The following POLG2 variants were observed in gnomAD, a reference collection of about 807,000 sequenced individuals.
The protein encoded by POLG2 is DNA polymerase subunit gamma-2.
Under a neutral mutation model 56.5 loss-of-function variants are expected in POLG2, and 50 were observed. The observed-to-expected ratio is 0.88, with a 90% CI of 0.71 to 1.12. The LOEUF (loss-of-function observed/expected upper bound fraction) is 1.12. Ranked by LOEUF, POLG2 falls within the 50% of genes most tolerant of loss-of-function variation. The probability of loss-of-function intolerance (pLI) is 0.00; values close to 1 mark genes in which losing one functional copy is unlikely to be tolerated. For missense variants in POLG2, 584 were observed against 583.3 expected, an observed-to-expected ratio of 1.00 and a Z score of -0.01; for synonymous variants, 226 against 222.6, an observed-to-expected ratio of 1.02 and a Z score of -0.14.
intron 7 of POLG2, among the ~76,000 whole-genome samples, chr17:64,479,216 C>A (rs1170388585): frequency 6.8e-6 from 1 of 147,482 alleles, no homozygotes; most frequent in Non-Finnish European, 1.5e-5. Context: ...AGGAGTCTCG[C>A]TCTGTCACCC....
At chr17:64,487,090 AAAAG>A (rs1217543657) in intron 4 of POLG2, 2 of 152,354 alleles carry the variant, frequency 1.3e-5, no homozygotes, top group African/African-American at 2.4e-5. Context: ...GAACAAAAAA[AAAAG>A]AGAGAAAACC....
At chr17:64,494,648 A>T (rs1227365201) in intron 1 of POLG2, among the ~76,000 whole-genome samples, 1 of 152,098 alleles carries the variant, frequency 6.6e-6, no homozygotes, top group Non-Finnish European at 1.5e-5. Context: ...GATTTTAGTC[A>T]ATGTGTTATG....
intron 4 of POLG2, 149 bp downstream of exon 4, chr17:64,490,647 A>G: frequency 1.5e-6 from 1 of 675,108 alleles, no homozygotes; most frequent in Non-Finnish European, 2.7e-6. Context: ...TGATGACTGG[A>G]TTGTAGTTAT....
intron 4 of POLG2, chr17:64,487,521 T>C (rs2037978132): frequency 6.7e-6 from 1 of 148,240 alleles, no homozygotes; most frequent in Admixed American, 6.9e-5. Flanking sequence ...GGCTGAGGCA[T>C]GAGAATCACT....
chr17:64,482,508 T>C (rs1401724558), intron 6 of POLG2, among the ~76,000 whole-genome samples: 1 of 152,046 alleles, frequency 6.6e-6, no homozygotes, highest in East Asian at 1.9e-4. Context: ...TTTTAGTAGA[T>C]GGGGTTTCAC....
At chr17:64,494,916 G>A (rs564987383) in intron 1 of POLG2, among the ~76,000 whole-genome samples, 1 of 152,324 alleles carries the variant, frequency 6.6e-6, no homozygotes, top group Non-Finnish European at 1.5e-5. Flanking sequence ...GCTCACGCCT[G>A]TAATCCCAGC....
rs190851647 is a variant in POLG2, at chr17:64,494,285, T to C, written c.563-1264A>G. ...TAATCATTTTTAGCAAAATACTACATAGTAGATGTGTGTATCTTATTGCAT... is the reference window on the plus strand; with the variant it reads ...TAATCATTTTTAGCAAAATACTACACAGTAGATGTGTGTATCTTATTGCAT... On this transcript the variant is annotated intron_variant, in intron 1 of 7. Coordinates refer to ENST00000539111, the MANE Select transcript of POLG2 (RefSeq NM_007215.4). Among the ~76,000 whole-genome samples the C allele has an allele frequency of 2.8e-4, 43 of 152,332 alleles. 1 individual carries two copies. Among genetic ancestry groups the C allele is most frequent in the Non-Finnish European group, 4.7e-4 (32 of 68,022 alleles).
At position 64,491,379 on chromosome 17, in the gene POLG2, G is replaced by C. The variant is rs2038055297; in HGVS notation, c.796-410C>G. 5 of 569,578 alleles carry C rather than the reference G, an allele frequency of 8.8e-6. No individual in the cohort carries two copies. The East Asian group carries it at 1.3e-4, about 15-fold the overall frequency. The allele number at this position is 569,578 out of a possible 1,614,324, so 35.3% of individuals were successfully genotyped here. ...GGAGGCTGAGGCAGGGGGATCACTT[G>C]AGCTTAGGACTTCGAGACCAGCCTG... On this transcript the variant is annotated intron_variant, in intron 3 of 7. Transcript: ENST00000539111.
In POLG2 at chr17:64,496,662, C is replaced by T. The variant is rs200118378; in HGVS notation, c.307G>A (p.Gly103Ser). The change falls in exon 1 of 8, where the codon GGC (glycine) becomes AGC (serine). Residue 103 changes from glycine (G) to serine (S), a missense_variant. Transcript: ENST00000539111. ...SGCHPGFGPL[G>S]VELRKNLAAE... ...GCCAGGTTCTTCCGCAACTCTACGC[C>T]CAAGGGTCCGAAGCCGGGGTGGCAC... is the stretch of plus-strand genomic sequence containing the variant. 71 of 1,613,936 alleles carry T rather than the reference C, an allele frequency of 4.4e-5. No homozygotes were observed. The highest frequency in any genetic ancestry group is 3.3e-4 in the Middle Eastern group (2 of 6,062).
chr17:64,493,086 A>G, intron 1 of POLG2, 65 bp from the exon 2 acceptor site: 2 of 1,517,228 alleles, frequency 1.3e-6, no homozygotes, highest in South Asian at 2.3e-5. Context: ...TTTTGTCAAT[A>G]GACACATTAA....
rs782602937 is a variant in POLG2, at chr17:64,490,018, G to A, written c.969+778C>T. Among the ~76,000 whole-genome samples the A allele has an allele frequency of 8.6e-5, 13 of 151,482 alleles. 1 individual carries two copies. Among genetic ancestry groups the A allele is most frequent in the Admixed American group, 3.3e-4 (5 of 15,202 alleles). On this transcript the variant is annotated intron_variant, in intron 4 of 7. Coordinates refer to ENST00000539111, the MANE Select transcript of POLG2 (RefSeq NM_007215.4). The stretch of plus-strand genomic sequence containing the variant: ...TGGCTCATCGCAACCTCCACCTCCC[G>A]GGTTCAAGCGATTCTCCTGCCTCAG...
At chr17:64,494,658 G>A (rs1000039971) in intron 1 of POLG2, among the ~76,000 whole-genome samples, 1 of 151,822 alleles carries the variant, frequency 6.6e-6, no homozygotes, top group Non-Finnish European at 1.5e-5. Context: ...AATGTGTTAT[G>A]ATCCATTACC....
intron 1 of POLG2, among the ~76,000 whole-genome samples, chr17:64,494,827 TA>T (rs1181244716): frequency 1.3e-5 from 2 of 152,182 alleles, no homozygotes; most frequent in Non-Finnish European, 2.9e-5. Context: ...GTACTTTCCC[TA>T]ACCCCAGACC....
chr17:64,485,684 A>T (rs7223078), intron 5 of POLG2, 44 bp downstream of exon 5: 1 of 1,506,566 alleles, frequency 6.6e-7, no homozygotes, highest in Non-Finnish European at 9.2e-7. Flanking sequence ...AAACAAACCC[A>T]TATTTTTAGT....
At chr17:64,488,547 GA>G (rs1349127155) in intron 4 of POLG2, among the ~76,000 whole-genome samples, 1 of 151,188 alleles carries the variant, frequency 6.6e-6, no homozygotes, top group Admixed American at 6.6e-5. Flanking sequence ...TCATACAAAA[GA>G]AAAAAAAGAA....
In POLG2 at chr17:64,496,548, CG is replaced by C. The variant is rs1555669548; in HGVS notation, c.420del (p.Asp142ThrfsTer6). On this transcript the variant is annotated frameshift_variant, in exon 1 of 8. Coordinates refer to ENST00000539111, the MANE Select transcript of POLG2 (RefSeq NM_007215.4). LOFTEE classifies it high-confidence loss of function. ...GAAACTAACCTGAAGGCACTGTCCCCGGGTAGCAAAGGGCCTGGTTTGTGGT... is the reference window on the plus strand; with the variant it reads ...GAAACTAACCTGAAGGCACTGTCCCCGGTAGCAAAGGGCCTGGTTTGTGGT... ...ALHHKPGPLL[P>X]GDSAFRLVSA... The C allele has an allele frequency of 2.5e-6, 4 of 1,613,924 alleles. No homozygotes were observed. The highest frequency in any genetic ancestry group is 2.5e-6 in the Non-Finnish European group (3 of 1,179,854).
At chr17:64,480,972 T>G (rs2037847047) in intron 6 of POLG2, among the ~76,000 whole-genome samples, 1 of 152,148 alleles carries the variant, frequency 6.6e-6, no homozygotes, top group Non-Finnish European at 1.5e-5. Context: ...CACAGTAAAC[T>G]TAACTGTTTT....
At chr17:64,485,594 C>A in intron 5 of POLG2, 134 bp downstream of exon 5, 1 of 762,950 alleles carries the variant, frequency 1.3e-6, no homozygotes, top group Non-Finnish European at 2.2e-6. Context: ...TCTAAAAAAA[C>A]TGAAAAATAC....
chr17:64,479,183 G>GT (rs781987286), intron 7 of POLG2, among the ~76,000 whole-genome samples: 9,834 of 126,876 alleles, frequency 0.078, 646 homozygotes, highest in African/African-American at 0.16. Context: ...TCTGAAAGGT[G>GT]TTTTTTTTTT....
Sources: gnomAD v4.1 joint callset for allele counts (sites outside exome capture counted in the v4.1 genomes callset) on GRCh38, gnomAD v4.1.1 for gene constraint, MANE v1.5 for transcripts, NCBI Gene and HGNC (gene_info 2026-07-23, HGNC 2026-07-21) for gene names.